Variants in UBE2Q1 observed in about 807,000 individuals in gnomAD.
The protein encoded by UBE2Q1 is ubiquitin conjugating enzyme E2 Q1, also known as ubiquitin-conjugating enzyme E2 Q1.
Under a neutral mutation model 60.1 loss-of-function variants are expected in UBE2Q1, and 6 were observed. The observed-to-expected ratio is 0.10, with a 90% CI of 0.05 to 0.20. The LOEUF (loss-of-function observed/expected upper bound fraction) is 0.20. UBE2Q1 is among the 10% of genes least tolerant of loss of function. The pLI is 1.00. For missense variants in UBE2Q1, 262 were observed against 525.8 expected, an observed-to-expected ratio of 0.50 and a Z score of 4.91; for synonymous variants, 226 against 208.3, an observed-to-expected ratio of 1.09 and a Z score of -0.73.
intron 7 of UBE2Q1, 71 bp downstream of exon 7, chr1:154,552,333 G>A: frequency 6.2e-7 from 1 of 1,601,688 alleles, no homozygotes; most frequent in East Asian, 2.2e-5. Flanking sequence ...GGCTGCCCTG[G>A]AGATCCCACC....
At chr1:154,556,329 G>A in intron 1 of UBE2Q1, among the ~76,000 whole-genome samples, 1 of 152,050 alleles carries the variant, frequency 6.6e-6, no homozygotes, top group East Asian at 1.9e-4. Flanking sequence ...CCTGGACCCA[G>A]AACAGTCCTC....
chr1:154,551,240 G>T (rs1695786572), intron 11 of UBE2Q1, 157 bp downstream of exon 11: 3 of 870,344 alleles, frequency 3.4e-6, no homozygotes. Flanking sequence ...CCAAGGCACA[G>T]TTGTTCCATT....
At chr1:154,554,909 T>A in intron 3 of UBE2Q1, 124 bp from the exon 4 acceptor site, 1 of 950,418 alleles carries the variant, frequency 1.1e-6, no homozygotes, top group Non-Finnish European at 1.6e-6. Flanking sequence ...GCTGCCAGTC[T>A]CTCCACCAGC....
At chr1:154,555,170 A>C (rs550330061) in intron 3 of UBE2Q1, among the ~76,000 whole-genome samples, 4 of 152,318 alleles carry the variant, frequency 2.6e-5, no homozygotes, top group African/African-American at 9.6e-5. Context: ...GATAATGGTA[A>C]AAATTCCCCC....
At position 154,554,773 on chromosome 1, in the gene UBE2Q1, C is replaced by T. The variant is rs770709805; in HGVS notation, c.550G>A (p.Asp184Asn). Reference protein sequence around the residue: ...PLPAEQCTQEDVSSEDEDEEM... With the variant: ...PLPAEQCTQENVSSEDEDEEM... ...TCATCTTCATCTTCTGAAGACACGT[C>T]TTCCTGTGTGCACTGCAGCAAGGAA... The change falls in exon 4 of 13, where the codon GAC becomes AAC. Residue 184 changes from aspartate (D) to asparagine (N), a missense_variant. By Grantham distance (23) the Asp-to-Asn change is conservative. Around this residue, in one of 5 missense-constraint regions of UBE2Q1, gnomAD observed 111 missense variants for 266.8 expected, o/e 0.42. Coordinates refer to ENST00000292211, the MANE Select transcript of UBE2Q1 (RefSeq NM_017582.7). 4 of 1,613,546 alleles carry T rather than the reference C, an allele frequency of 2.5e-6. No homozygotes were observed. The South Asian group carries it at 3.3e-5, about 13-fold the overall frequency.
At chr1:154,554,701 T>G in intron 4 of UBE2Q1, 34 bp downstream of exon 4, 1 of 1,610,706 alleles carries the variant, frequency 6.2e-7, no homozygotes, top group Non-Finnish European at 8.5e-7. Context: ...CTGCAAGAGC[T>G]TCCAGCCAAT....
At chr1:154,557,890 G>A (rs913232899) in intron 1 of UBE2Q1, among the ~76,000 whole-genome samples, 2 of 152,058 alleles carry the variant, frequency 1.3e-5, no homozygotes, top group Non-Finnish European at 2.9e-5. Flanking sequence ...ATAAGAGTAA[G>A]GGGAAGAAAG....
rs1329375099 is a variant in UBE2Q1, at chr1:154,552,177, G to A, written c.882C>T (p.Asp294=). ...GATCGTTGTGCAAAGCGCTGTCCTGGTCAACTCTAAGAAGCAACAAGCCTG... is the reference window on the plus strand; with the variant it reads ...GATCGTTGTGCAAAGCGCTGTCCTGATCAACTCTAAGAAGCAACAAGCCTG... ...YDWNVKLLKV[D]QDSALHNDLQ... Residue 294 remains aspartate (D), a synonymous_variant, in exon 8 of 13, where the codon GAC becomes GAT. Transcript: ENST00000292211. The A allele has an allele frequency of 7.4e-6, 12 of 1,614,082 alleles. No homozygotes were observed. Among genetic ancestry groups the A allele is most frequent in the African/African-American group, 1.3e-5 (1 of 74,934 alleles).
At chr1:154,555,988 G>C (rs760894652) in intron 1 of UBE2Q1, 24 bp from the exon 2 acceptor site, 1 of 1,606,538 alleles carries the variant, frequency 6.2e-7, no homozygotes, top group Non-Finnish European at 8.5e-7. Context: ...AGCAATAAGA[G>C]CAATCAAAAT....
intron 4 of UBE2Q1, among the ~76,000 whole-genome samples, chr1:154,554,355 C>T (rs1387633405): frequency 6.6e-6 from 1 of 152,146 alleles, no homozygotes; most frequent in African/African-American, 2.4e-5. Flanking sequence ...TATATAACAC[C>T]TCATTTAATC....
chr1:154,552,480 A>C lies in UBE2Q1; in HGVS notation c.815-16T>G. ...GCATAGTTTCCTGGAAGGAGGGAAA[A>C]AACAGGTGTTAGTAGAATGGTCCAG... On this transcript the variant is annotated splice_polypyrimidine_tract_variant and intron_variant, in intron 6 of 12. Coordinates refer to ENST00000292211, the MANE Select transcript of UBE2Q1 (RefSeq NM_017582.7). 1.9e-6 allele frequency: 3 copies of C among 1,614,162 alleles called. No homozygotes were observed. The highest frequency in any genetic ancestry group is 2.5e-6 in the Non-Finnish European group (3 of 1,180,008).
intron 1 of UBE2Q1, 57 bp from the exon 2 acceptor site, chr1:154,556,021 A>G: frequency 6.6e-6 from 10 of 1,507,834 alleles, no homozygotes; most frequent in Non-Finnish European, 8.3e-6. Flanking sequence ...GAAAAGCCAG[A>G]TTTTGCCTGT....
intron 4 of UBE2Q1, 83 bp from the exon 5 acceptor site, chr1:154,553,255 C>T: frequency 6.5e-7 from 1 of 1,527,508 alleles, no homozygotes; most frequent in South Asian, 1.2e-5. Flanking sequence ...TTCCCAGTCC[C>T]ATTTGGCGAA....
chr1:154,550,374 T>C lies in UBE2Q1; in HGVS notation c.*64A>G, dbSNP rs567606873. 152 of 1,607,156 alleles carry C rather than the reference T, an allele frequency of 9.5e-5. No individual in the cohort carries two copies. The Middle Eastern group carries it at 2.2e-3, about 23-fold the overall frequency. ...CCACAGAGGCAGCGTGAGATCCAAA[T>C]ACAGCATTCAAAGGTAATTGGTCCA... On this transcript the variant is annotated 3_prime_UTR_variant, in exon 13 of 13. Coordinates refer to ENST00000292211, the MANE Select transcript of UBE2Q1 (RefSeq NM_017582.7).
At position 154,555,649 on chromosome 1, in the gene UBE2Q1, G is replaced by A; in HGVS notation, c.433-117C>T. 7 of 1,038,766 alleles carry A rather than the reference G, an allele frequency of 6.7e-6. No individual in the cohort carries two copies. The Admixed American group carries it at 1.4e-4, about 20-fold the overall frequency. 64.3% of individuals were successfully genotyped at this position (1,038,766 alleles called of 1,614,324 possible). On this transcript the variant is annotated intron_variant, in intron 2 of 12. Coordinates refer to ENST00000292211, the MANE Select transcript of UBE2Q1 (RefSeq NM_017582.7). ...ATAACTAGTTCTCTAAGCCTTATGG[G>A]CCACGTGGCTGTGGGAATGAGTCTC...
intron 1 of UBE2Q1, among the ~76,000 whole-genome samples, chr1:154,556,851 T>C (rs2149362902): frequency 6.6e-6 from 1 of 152,262 alleles, no homozygotes; most frequent in African/African-American, 2.4e-5. Context: ...CTTAAGGAAT[T>C]AGAAGCTTAA....
At chr1:154,552,588 T>C (rs1695810835) in intron 6 of UBE2Q1, 124 bp from the exon 7 acceptor site, 3 of 1,439,972 alleles carry the variant, frequency 2.1e-6, no homozygotes, top group African/African-American at 1.4e-5. Context: ...CAGATGGACA[T>C]GCAACCAAGC....
At chr1:154,553,312 G>GC in intron 4 of UBE2Q1, 140 bp from the exon 5 acceptor site, 2 of 1,098,154 alleles carry the variant, frequency 1.8e-6, no homozygotes, top group Non-Finnish European at 1.3e-6. Flanking sequence ...TCTTATAAAC[G>GC]CAACGTGCTT....
chr1:154,551,575 G>T (rs982845460), intron 10 of UBE2Q1, 83 bp from the exon 11 acceptor site: 4 of 1,510,576 alleles, frequency 2.6e-6, no homozygotes, highest in Non-Finnish European at 3.7e-6. Context: ...GCAATCAGCT[G>T]TGTCTATAGG....
Sources: allele counts gnomAD v4.1 joint callset (sites outside exome capture counted in the v4.1 genomes callset), GRCh38; gene constraint gnomAD v4.1.1; regional missense constraint gnomAD v4.1.1; transcripts MANE v1.5; gene names NCBI Gene and HGNC (gene_info 2026-07-23, HGNC 2026-07-21).